Variants in UMODL1 observed in about 807,000 individuals in gnomAD.
UMODL1 encodes the protein uromodulin like 1.
A neutral mutation model predicts 136.3 loss-of-function variants in UMODL1; 128 were observed. That is an observed-to-expected ratio of 0.94 (90% confidence interval 0.81 to 1.09). The LOEUF (loss-of-function observed/expected upper bound fraction) is 1.09. Ranked by LOEUF, UMODL1 falls within the 50% of genes least tolerant of loss-of-function variation. UMODL1 has a pLI of 0.00. For missense variants in UMODL1, 1,766 were observed against 1,725.6 expected, an observed-to-expected ratio of 1.02 and a Z score of -0.41; for synonymous variants, 721 against 720.0, an observed-to-expected ratio of 1.00 and a Z score of -0.02.
At chr21:42,111,330 C>T (rs2066825933) in intron 11 of UMODL1, 176 bp from the exon 12 acceptor site, 1 of 1,504,832 alleles carries the variant, frequency 6.6e-7, no homozygotes, top group African/African-American at 1.4e-5. Flanking sequence ...CAGGGGAGCC[C>T]CAGCCAGGGG....
At chr21:42,126,110 G>A (rs917560119) in intron 17 of UMODL1, among the ~76,000 whole-genome samples, 2 of 152,198 alleles carry the variant, frequency 1.3e-5, no homozygotes, top group African/African-American at 2.4e-5. Context: ...CAGCTGCCAC[G>A]GAATCCCCAC....
chr21:42,085,562 T>C lies in UMODL1; in HGVS notation c.603+150T>C. 8.1e-7 allele frequency: 1 copy of C among 1,239,638 alleles called. No individual in the cohort carries two copies. The highest frequency in any genetic ancestry group is 1.1e-6 in the Non-Finnish European group (1 of 888,254). The allele number at this position is 1,239,638 out of a possible 1,614,324, so 76.8% of individuals were successfully genotyped here. Reference sequence around the variant, plus strand: ...TGACTGACTCTGAACGAAATTCTAGTTCTTAAAAAATCAGCTTCAAAGAGG... The same window carrying C: ...TGACTGACTCTGAACGAAATTCTAGCTCTTAAAAAATCAGCTTCAAAGAGG... On this transcript the variant is annotated intron_variant, in intron 4 of 22. Transcript: ENST00000408910. This position sits in a 1 kb window ranked among gnomAD's most constrained non-coding sequence, Gnocchi z 4.5.
chr21:42,076,225 G>C lies in UMODL1; in HGVS notation c.297G>C (p.Gln99His). The change falls in exon 2 of 23, where the codon CAG becomes CAC. Residue 99 changes from glutamine (Q) to histidine (H), a missense_variant. Coordinates refer to ENST00000408910, the MANE Select transcript of UMODL1 (RefSeq NM_001004416.3). ...NVTDCCEGYEQLGLYCVLPLN... is the reference protein window; with the variant it reads ...NVTDCCEGYEHLGLYCVLPLN... ...CTGACTGCTGTGAGGGCTATGAACA[G>C]CTCGGCCTCTACTGTGTCTTGCGTG... 1 of 1,614,256 alleles carries C rather than the reference G, an allele frequency of 6.2e-7. No individual in the cohort carries two copies.
intron 13 of UMODL1, 46 bp downstream of exon 13, chr21:42,113,876 A>G (rs1417996497): frequency 6.3e-7 from 1 of 1,585,790 alleles, no homozygotes; most frequent in Non-Finnish European, 8.6e-7. Context: ...AAAAAGTATG[A>G]AAAAGACTTT....
At chr21:42,116,221 G>A (rs1938831332) in intron 14 of UMODL1, among the ~76,000 whole-genome samples, 1 of 151,236 alleles carries the variant, frequency 6.6e-6, no homozygotes, top group Non-Finnish European at 1.5e-5. Flanking sequence ...TGTCATGGTG[G>A]CGCATGTTTG....
In UMODL1 at chr21:42,099,060, G is replaced by A. The variant is rs571456471; in HGVS notation, c.1066G>A (p.Ala356Thr). Residue 356 changes from alanine to threonine, a missense_variant, in exon 7 of 23, where the codon GCC (alanine) becomes ACC (threonine). By Grantham distance (58) the Ala-to-Thr change is moderately conservative. Coordinates refer to ENST00000408910, the MANE Select transcript of UMODL1 (RefSeq NM_001004416.3). This position sits in a 1 kb window ranked among gnomAD's most constrained non-coding sequence, Gnocchi z 4.1. ...VYRGMELLRS[A>T]RTQSQALAVA... ...CCGGGGTATGGAGTTGCTCAGGAGC[G>A]CCAGGACACAGAGCCAGGCACTGGC... is the stretch of plus-strand genomic sequence containing the variant. The A allele has an allele frequency of 2.2e-5, 36 of 1,614,162 alleles. No homozygotes were observed. In the East Asian group the frequency reaches 6.0e-4, roughly 27 times the overall value.
intron 2 of UMODL1, among the ~76,000 whole-genome samples, chr21:42,081,697 A>T (rs1004254055): frequency 1.3e-5 from 2 of 151,940 alleles, no homozygotes; most frequent in Non-Finnish European, 2.9e-5. Flanking sequence ...AAGGTCCTGT[A>T]CCCCCCAACC....
intron 20 of UMODL1, chr21:42,128,206 A>G (rs2067087774): frequency 3.0e-6 from 1 of 331,634 alleles, no homozygotes; most frequent in Admixed American, 4.4e-5. Flanking sequence ...GATGGAACAT[A>G]CTAAATATCA....
intron 22 of UMODL1, among the ~76,000 whole-genome samples, chr21:42,138,337 ACG>A (rs1227675023): frequency 1.3e-5 from 2 of 152,176 alleles, no homozygotes; most frequent in Non-Finnish European, 2.9e-5. Context: ...AGGGATTGTC[ACG>A]TGTGGTGTGG....
At chr21:42,141,892 C>A (rs376565112) in intron 22 of UMODL1, among the ~76,000 whole-genome samples, 1 of 152,230 alleles carries the variant, frequency 6.6e-6, no homozygotes, top group African/African-American at 2.4e-5. Context: ...TGAGGGCAGG[C>A]ACAGCCCCAT....
At chr21:42,088,262 T>G (rs768594375) in intron 4 of UMODL1, 32 bp from the exon 5 acceptor site, 1 of 1,597,324 alleles carries the variant, frequency 6.3e-7, no homozygotes. Flanking sequence ...GGTGTCCTTC[T>G]GCTGTGTGAC....
chr21:42,122,936 G>C lies in UMODL1; in HGVS notation c.2933G>C (p.Gly978Ala). 1 of 1,613,860 alleles carries C rather than the reference G, an allele frequency of 6.2e-7. No homozygotes were observed. The highest frequency in any genetic ancestry group is 8.5e-7 in the Non-Finnish European group (1 of 1,180,016). Residue 978 changes from glycine (G) to alanine (A), a missense_variant, in exon 17 of 23, where the codon GGC becomes GCC. By Grantham distance (60) the Gly-to-Ala change is moderately conservative. Coordinates refer to ENST00000408910, the MANE Select transcript of UMODL1 (RefSeq NM_001004416.3). This position sits in a 1 kb window ranked among gnomAD's most constrained non-coding sequence, Gnocchi z 4.3. ...FVQGTSPTPQGLPQRLNLTGA... is the reference protein window; with the variant it reads ...FVQGTSPTPQALPQRLNLTGA... The stretch of plus-strand genomic sequence containing the variant: ...CAAGGCACCAGCCCCACCCCCCAAG[G>C]CCTGCCCCAGCGGCTGAACCTGACC...
chr21:42,082,763 G>A (rs2066377223), intron 2 of UMODL1, among the ~76,000 whole-genome samples: 1 of 152,176 alleles, frequency 6.6e-6, no homozygotes, highest in Non-Finnish European at 1.5e-5. Context: ...TGCGGCATCG[G>A]GCACACGCTC....
chr21:42,098,849 G>A (rs752148200), intron 6 of UMODL1, 77 bp from the exon 7 acceptor site: 95 of 1,565,234 alleles, frequency 6.1e-5, no homozygotes, highest in Non-Finnish European at 7.7e-5. Context: ...GTTGAGATGA[G>A]GCTCTGTTAC....
In UMODL1 at chr21:42,113,812, C is replaced by T. The variant is rs2146510957; in HGVS notation, c.2344C>T (p.His782Tyr). 3 of 1,613,294 alleles carry T rather than the reference C, an allele frequency of 1.9e-6. No individual in the cohort carries two copies. Among genetic ancestry groups the T allele is most frequent in the East Asian group, 2.2e-5 (1 of 44,868 alleles). Residue 782 changes from histidine (H) to tyrosine (Y), a missense_variant, in exon 13 of 23, where the codon CAT becomes TAT. Coordinates refer to ENST00000408910, the MANE Select transcript of UMODL1 (RefSeq NM_001004416.3). ...KACGKEGARA[H>Y]LKVRTAARKL... ...ATGTGGGAAAGAAGGTGCCAGAGCT[C>T]ATCTGAAAGTGAGGACAGGTAATGG...
At chr21:42,124,356 G>C (rs115278507) in intron 17 of UMODL1, among the ~76,000 whole-genome samples, 1,894 of 152,292 alleles carry the variant, frequency 0.012, 26 homozygotes, top group African/African-American at 0.032. Context: ...GGGAGCCCGT[G>C]CCGGCTCTGG....
At chr21:42,076,488 G>A (rs979855472) in intron 2 of UMODL1, among the ~76,000 whole-genome samples, 2 of 152,162 alleles carry the variant, frequency 1.3e-5, no homozygotes, top group Non-Finnish European at 2.9e-5. Context: ...CCTGGGTGAC[G>A]CTGACGCTGC....
In UMODL1 at chr21:42,123,130, T is replaced by C. The variant is rs765874957; in HGVS notation, c.3127T>C (p.Cys1043Arg). ...HVLLEAGWSE[C>R]GTLMQSNMTN... ...GCTCCTGGAGGCCGGCTGGAGCGAGTGTGGGACCCTCATGCAGAGCGTAAG... is the reference window on the plus strand; with the variant it reads ...GCTCCTGGAGGCCGGCTGGAGCGAGCGTGGGACCCTCATGCAGAGCGTAAG... The change falls in exon 17 of 23, where the codon TGT becomes CGT. Residue 1043 changes from cysteine to arginine, a missense_variant. Cys to Arg is a radical substitution (Grantham distance 180). Transcript: ENST00000408910. This position sits in a 1 kb window ranked among gnomAD's most constrained non-coding sequence, Gnocchi z 4.4. The C allele has an allele frequency of 6.2e-7, 1 of 1,613,038 alleles. No homozygotes were observed. Among genetic ancestry groups the C allele is most frequent in the Admixed American group, 1.7e-5 (1 of 59,956 alleles).
intron 9 of UMODL1, chr21:42,108,253 C>T (rs573554258): frequency 2.1e-6 from 1 of 482,580 alleles, no homozygotes; most frequent in East Asian, 6.7e-5. Flanking sequence ...GCCCAGCCAG[C>T]CTAGGCTCCA....
Sources: gnomAD v4.1 joint callset for allele counts (sites outside exome capture counted in the v4.1 genomes callset) on GRCh38, gnomAD v4.1.1 for gene constraint, Gnocchi (gnomAD v3.1) non-coding constraint, MANE v1.5 for transcripts, NCBI Gene and HGNC (gene_info 2026-07-23, HGNC 2026-07-21) for gene names.